DUSP22: variants seen among roughly 807,000 people sequenced by gnomAD.
DUSP22 encodes dual specificity phosphatase 22, also known as dual specificity protein phosphatase 22.
In DUSP22, 24 loss-of-function variants were observed where a neutral mutation model predicts 24.5. That is an observed-to-expected ratio of 0.98 (90% confidence interval 0.71 to 1.38). The LOEUF (loss-of-function observed/expected upper bound fraction) is 1.38. Ranked by LOEUF, DUSP22 falls within the 40% of genes most tolerant of loss-of-function variation. DUSP22 has a pLI of 0.00. For missense variants in DUSP22, 330 were observed against 269.2 expected (o/e 1.23, Z -1.58); for synonymous variants, 160 against 106.4 (o/e 1.50, Z -3.10).
intron 4 of DUSP22, among the ~76,000 whole-genome samples, chr6:336,307 G>A (rs1759360371): frequency 6.6e-6 from 1 of 152,308 alleles, no homozygotes; most frequent in Admixed American, 6.5e-5. Flanking sequence ...GTTGTAGGCT[G>A]TGGTGAAGTT....
chr6:328,200 A>G (rs1040281765), intron 3 of DUSP22, among the ~76,000 whole-genome samples: 3 of 152,304 alleles, frequency 2.0e-5, no homozygotes, highest in Middle Eastern at 3.2e-3. Context: ...CTTGGTCCCA[A>G]GTGACTGCTG....
At chr6:332,141 T>C (rs1302850917) in intron 3 of DUSP22, among the ~76,000 whole-genome samples, 1 of 152,306 alleles carries the variant, frequency 6.6e-6, no homozygotes, top group South Asian at 2.1e-4. Flanking sequence ...GTGCCTGCTG[T>C]GTGCCGGGCA....
At chr6:308,260 C>T (rs1376034045) in intron 2 of DUSP22, among the ~76,000 whole-genome samples, 5 of 152,298 alleles carry the variant, frequency 3.3e-5, no homozygotes, top group African/African-American at 1.2e-4. Flanking sequence ...TTGAAATGTA[C>T]AAGCTTGTGT....
chr6:301,489 T>TA (rs1561647653), intron 1 of DUSP22, among the ~76,000 whole-genome samples: 1 of 152,306 alleles, frequency 6.6e-6, no homozygotes, highest in African/African-American at 2.4e-5. Context: ...ATTTTTTAAG[T>TA]AAAAGGGTTG....
intron 2 of DUSP22, among the ~76,000 whole-genome samples, chr6:305,968 A>G (rs1032672792): frequency 2.0e-5 from 3 of 152,298 alleles, no homozygotes; most frequent in African/African-American, 7.2e-5. Context: ...CCACACACAC[A>G]CCCGTATCCC....
chr6:324,869 G>A (rs1306845483), intron 3 of DUSP22, among the ~76,000 whole-genome samples: 1 of 152,302 alleles, frequency 6.6e-6, no homozygotes, highest in Admixed American at 6.5e-5. Flanking sequence ...CACCAGCGAG[G>A]GGCTCCGAGA....
chr6:333,176 A>G (rs967390371), intron 3 of DUSP22, among the ~76,000 whole-genome samples: 1 of 152,298 alleles, frequency 6.6e-6, no homozygotes, highest in African/African-American at 2.4e-5. Context: ...AGCCCAGGAG[A>G]AATGAGGACA....
At chr6:297,088 C>G (rs918426377) in intron 1 of DUSP22, among the ~76,000 whole-genome samples, 21 of 152,420 alleles carry the variant, frequency 1.4e-4, no homozygotes, top group Non-Finnish European at 2.8e-4. Flanking sequence ...AAAGCCTGAT[C>G]TGGGGCACCT....
intron 3 of DUSP22, among the ~76,000 whole-genome samples, chr6:327,019 C>T (rs1028588750): frequency 2.6e-4 from 39 of 152,418 alleles, no homozygotes; most frequent in African/African-American, 9.1e-4. Flanking sequence ...ACTTCTGCTG[C>T]AGCTACTGTA....
intron 4 of DUSP22, among the ~76,000 whole-genome samples, chr6:338,428 G>T (rs1018092969): frequency 1.2e-4 from 18 of 152,418 alleles, no homozygotes; most frequent in South Asian, 6.2e-4. Flanking sequence ...TTGGCAGGCA[G>T]AACACCTACC....
chr6:333,373 A>C (rs1161175663), intron 3 of DUSP22, among the ~76,000 whole-genome samples: 2 of 152,306 alleles, frequency 1.3e-5, no homozygotes, highest in African/African-American at 4.8e-5. Context: ...AAGACCCAAA[A>C]GGGCCTTTAT....
At chr6:343,470 A>C (rs904111775) in intron 4 of DUSP22, among the ~76,000 whole-genome samples, 2 of 152,132 alleles carry the variant, frequency 1.3e-5, no homozygotes, top group Non-Finnish European at 2.9e-5. Context: ...CAAGGGTGCC[A>C]AGACGCTGTC....
intron 4 of DUSP22, among the ~76,000 whole-genome samples, chr6:336,449 C>G (rs1381763704): frequency 1.3e-5 from 2 of 152,308 alleles, no homozygotes; most frequent in Non-Finnish European, 2.9e-5. Flanking sequence ...TGCCACCACT[C>G]TGGGAGTTAT....
intron 2 of DUSP22, among the ~76,000 whole-genome samples, chr6:307,205 G>T (rs1026545520): frequency 6.6e-6 from 1 of 152,296 alleles, no homozygotes; most frequent in Non-Finnish European, 1.5e-5. Context: ...TGTGCCTCTT[G>T]TAACACAAGA....
At chr6:322,258 C>T (rs552350039) in intron 3 of DUSP22, among the ~76,000 whole-genome samples, 50 of 152,388 alleles carry the variant, frequency 3.3e-4, no homozygotes, top group African/African-American at 1.1e-3. Flanking sequence ...CATCCTCCAG[C>T]GTCTTGCTTT....
chr6:343,119 C>T (rs572262304), intron 4 of DUSP22, among the ~76,000 whole-genome samples: 62 of 152,366 alleles, frequency 4.1e-4, no homozygotes, highest in Admixed American at 2.2e-3. Context: ...CCTTAGATTT[C>T]GGGATTACAG....
intron 3 of DUSP22, among the ~76,000 whole-genome samples, chr6:331,817 C>T (rs1040513653): frequency 4.6e-5 from 7 of 152,306 alleles, no homozygotes; most frequent in African/African-American, 7.2e-5. Context: ...TCTTAGGTGG[C>T]GAGCAGCTGA....
chr6:310,563 C>G (rs1170791940), intron 2 of DUSP22, among the ~76,000 whole-genome samples: 10 of 152,298 alleles, frequency 6.6e-5, no homozygotes, highest in Admixed American at 1.3e-4. Flanking sequence ...TTTAATTGTG[C>G]TTTAAAGTGA....
chr6:298,574 G>A (rs575998355), intron 1 of DUSP22, among the ~76,000 whole-genome samples: 206 of 152,324 alleles, frequency 1.4e-3, no homozygotes, highest in African/African-American at 4.7e-3. Flanking sequence ...TTTTGTGGCT[G>A]AGGATTTGTG....
Sources: allele counts gnomAD v4.1 joint callset (sites outside exome capture counted in the v4.1 genomes callset), GRCh38; gene constraint gnomAD v4.1.1; transcripts MANE v1.5; gene names NCBI Gene and HGNC (gene_info 2026-07-23, HGNC 2026-07-21).